Variants in SH3GL1 observed in about 807,000 individuals in gnomAD.
The protein encoded by SH3GL1 is SH3 domain containing GRB2 like 1, endophilin A2.
In SH3GL1, 21 loss-of-function variants were observed where a neutral mutation model predicts 48.8. The ratio of observed to expected loss-of-function variants is 0.43; its 90% CI spans 0.30 to 0.62. SH3GL1 has a LOEUF of 0.62. Ranked by LOEUF, SH3GL1 falls within the 20% of genes least tolerant of loss-of-function variation. The probability of loss-of-function intolerance (pLI) is 0.11; values close to 1 mark genes in which losing one functional copy is unlikely to be tolerated. For missense variants in SH3GL1, 454 were observed against 503.0 expected (o/e 0.90, Z 0.93); for synonymous variants, 282 against 217.5 (o/e 1.30, Z -2.61).
In SH3GL1 at chr19:4,389,779, A is replaced by G. The variant is rs1328823091; in HGVS notation, c.45+10545T>C. On this transcript the variant is annotated intron_variant, in intron 1 of 9. Coordinates refer to ENST00000269886, the MANE Select transcript of SH3GL1 (RefSeq NM_003025.4). The surrounding 1 kb of genome is among the most constrained non-coding windows in gnomAD (Gnocchi z 4.5). ...CACTGGGGATGCAGCAATGAGCACAAATGCCTGGCTCCGGCGGCAATGGGC... is the reference window on the plus strand; with the variant it reads ...CACTGGGGATGCAGCAATGAGCACAGATGCCTGGCTCCGGCGGCAATGGGC... 6.6e-6 allele frequency among the ~76,000 whole-genome samples: 1 copy of G among 152,214 alleles called. No individual in the cohort carries two copies. Among genetic ancestry groups the G allele is most frequent in the Non-Finnish European group, 1.5e-5 (1 of 68,022 alleles).
chr19:4,368,964 C>T (rs938616496), intron 1 of SH3GL1, among the ~76,000 whole-genome samples: 1 of 152,016 alleles, frequency 6.6e-6, no homozygotes, highest in Non-Finnish European at 1.5e-5. Flanking sequence ...CCCAGCTACT[C>T]GGGAGGCTGA....
chr19:4,368,388 C>T (rs575546880), intron 1 of SH3GL1, among the ~76,000 whole-genome samples: 4 of 152,336 alleles, frequency 2.6e-5, no homozygotes, highest in African/African-American at 9.6e-5. Flanking sequence ...GCTCTGCCCA[C>T]GCCAGGCACC....
chr19:4,394,756 G>GT (rs1973395955), intron 1 of SH3GL1, among the ~76,000 whole-genome samples: 1 of 152,150 alleles, frequency 6.6e-6, no homozygotes, highest in Non-Finnish European at 1.5e-5. Context: ...AAAGGACACC[G>GT]TAAGAACCCT....
chr19:4,364,915 TA>T (rs113710788), intron 4 of SH3GL1, among the ~76,000 whole-genome samples: 2,760 of 127,544 alleles, frequency 0.022, 92 homozygotes, highest in African/African-American at 0.068. Context: ...TATATATATA[TA>T]TTTTTTTTTT....
At chr19:4,375,494 C>T (rs993198461) in intron 1 of SH3GL1, among the ~76,000 whole-genome samples, 1 of 152,236 alleles carries the variant, frequency 6.6e-6, no homozygotes, top group African/African-American at 2.4e-5. Flanking sequence ...TCCCAGGAGA[C>T]GGGAGGACAG....
rs1174045194 is a variant in SH3GL1 at position 4,389,282 on chromosome 19, G to C, written c.45+11042C>G. ...ACGAACACCAGCGTGTGGCATCTGG[G>C]TGGGGGACCCCGAGGCCAGAAGCTC... is the stretch of plus-strand genomic sequence containing the variant. On this transcript the variant is annotated intron_variant, in intron 1 of 9. Coordinates refer to ENST00000269886, the MANE Select transcript of SH3GL1 (RefSeq NM_003025.4). The surrounding 1 kb of genome is among the most constrained non-coding windows in gnomAD (Gnocchi z 4.5). 6.6e-6 allele frequency among the ~76,000 whole-genome samples: 1 copy of C among 152,214 alleles called. No individual in the cohort carries two copies. The highest frequency in any genetic ancestry group is 1.5e-5 in the Non-Finnish European group (1 of 68,036).
chr19:4,362,549 C>T, intron 8 of SH3GL1, 63 bp downstream of exon 8: 3 of 1,608,050 alleles, frequency 1.9e-6, no homozygotes, highest in Non-Finnish European at 2.5e-6. Flanking sequence ...AGGACAGGGC[C>T]AGCCCTTGGC....
intron 1 of SH3GL1, among the ~76,000 whole-genome samples, chr19:4,375,881 G>C (rs967437703): frequency 1.3e-5 from 2 of 152,226 alleles, no homozygotes; most frequent in Non-Finnish European, 2.9e-5. Flanking sequence ...TTCCCACTGG[G>C]GGCAGCATGG....
At chr19:4,395,797 C>T (rs1973414719) in intron 1 of SH3GL1, 1 of 151,832 alleles carries the variant, frequency 6.6e-6, no homozygotes, top group Non-Finnish European at 1.5e-5. Context: ...ATCCCAGCTA[C>T]TCAGGAGGCT....
chr19:4,385,100 C>CA (rs774287504), intron 1 of SH3GL1, among the ~76,000 whole-genome samples: 48,178 of 109,526 alleles, frequency 0.44, 9,131 homozygotes, highest in Middle Eastern at 0.49. Context: ...GACTCCATCT[C>CA]AAAAAAAAAA....
At chr19:4,366,611 T>G (rs1198140518) in intron 2 of SH3GL1, 38 bp from the exon 3 acceptor site, 1 of 1,583,346 alleles carries the variant, frequency 6.3e-7, no homozygotes, top group Non-Finnish European at 8.6e-7. Context: ...CCACAGCCAG[T>G]GGGGGCCCAA....
intron 3 of SH3GL1, 43 bp from the exon 4 acceptor site, chr19:4,365,668 A>T: frequency 6.2e-7 from 1 of 1,610,344 alleles, no homozygotes; most frequent in Non-Finnish European, 8.5e-7. Context: ...TGAGGCCTGC[A>T]CTCCTCTGCC....
rs866212131 is a variant in SH3GL1, at chr19:4,367,474, G to A, written c.46-480C>T. Among the ~76,000 whole-genome samples, 10 of 152,266 alleles carry A rather than the reference G, an allele frequency of 6.6e-5. No homozygotes were observed. Among genetic ancestry groups the A allele is most frequent in the Middle Eastern group, 3.4e-3 (1 of 294 alleles). ...CTGGGAGAGGCAGCAGGAGCTGACA[G>A]TTACGAGAAGAGGTGCAGGCAGCCG... On this transcript the variant is annotated intron_variant, in intron 1 of 9. Transcript: ENST00000269886. This position sits in a 1 kb window ranked among gnomAD's most constrained non-coding sequence, Gnocchi z 4.2.
intron 1 of SH3GL1, among the ~76,000 whole-genome samples, chr19:4,371,814 G>A (rs940109728): frequency 1.3e-5 from 2 of 152,124 alleles, no homozygotes; most frequent in Non-Finnish European, 1.5e-5. Context: ...GGTGCTGCAC[G>A]CTGTGCTACA....
At chr19:4,385,111 A>C (rs1402485602) in intron 1 of SH3GL1, among the ~76,000 whole-genome samples, 7 of 151,706 alleles carry the variant, frequency 4.6e-5, no homozygotes, top group Non-Finnish European at 1.0e-4. Context: ...AAAAAAAAAA[A>C]AAAAAACTAG....
intron 1 of SH3GL1, among the ~76,000 whole-genome samples, chr19:4,379,410 C>T (rs1346544763): frequency 3.4e-5 from 5 of 148,116 alleles, no homozygotes; most frequent in African/African-American, 1.0e-4. Flanking sequence ...TGGGTGACAG[C>T]GCAAGATGCT....
In SH3GL1 at chr19:4,361,157, C is replaced by T. The variant is rs1972597457; in HGVS notation, c.*443G>A. 3.8e-6 allele frequency: 1 copy of T among 265,632 alleles called. No homozygotes were observed. Among genetic ancestry groups the T allele is most frequent in the Non-Finnish European group, 7.2e-6 (1 of 138,780 alleles). 16.5% of individuals were successfully genotyped at this position (265,632 alleles called of 1,614,324 possible). A position where few individuals can be genotyped will look rare whatever the true frequency, so the allele number is the denominator to read the frequency against. On this transcript the variant is annotated 3_prime_UTR_variant, in exon 10 of 10. Coordinates refer to ENST00000269886, the MANE Select transcript of SH3GL1 (RefSeq NM_003025.4). ...AACCAGGGTCCTATCTCTGAGCCAC[C>T]CCATGGGGACCCTCGATCCCATCCT...
At chr19:4,399,930 G>A (rs964291792) in intron 1 of SH3GL1, among the ~76,000 whole-genome samples, 1 of 152,192 alleles carries the variant, frequency 6.6e-6, no homozygotes. Context: ...GATTTTGAAC[G>A]TAACTGCTCT....
chr19:4,389,751 A>G lies in SH3GL1; in HGVS notation c.45+10573T>C, dbSNP rs1324087275. On this transcript the variant is annotated intron_variant, in intron 1 of 9. Transcript: ENST00000269886. The surrounding 1 kb of genome is among the most constrained non-coding windows in gnomAD (Gnocchi z 4.5). ...CCTGGGGCAGGCCAGCCAGTAAACC[A>G]AACACTGGGGATGCAGCAATGAGCA... Among the ~76,000 whole-genome samples the G allele has an allele frequency of 3.3e-5, 5 of 152,190 alleles. No individual in the cohort carries two copies. Among genetic ancestry groups the G allele is most frequent in the Non-Finnish European group, 2.9e-5 (2 of 68,016 alleles).
Sources: allele counts gnomAD v4.1 joint callset (sites outside exome capture counted in the v4.1 genomes callset), GRCh38; gene constraint gnomAD v4.1.1; non-coding constraint Gnocchi (gnomAD v3.1); transcripts MANE v1.5; gene names NCBI Gene and HGNC (gene_info 2026-07-23, HGNC 2026-07-21).